SYNE2: variants seen among roughly 807,000 people sequenced by gnomAD.
The protein encoded by SYNE2 is spectrin repeat containing nuclear envelope protein 2.
In SYNE2, 431 loss-of-function variants were observed where a neutral mutation model predicts 856.3. The observed-to-expected ratio is 0.50, with a 90% CI of 0.47 to 0.55. SYNE2 has a LOEUF of 0.55. SYNE2 is among the 20% of genes least tolerant of loss of function. SYNE2 has a pLI of 0.00. For synonymous variants in SYNE2, 2,923 were observed against 2,872.3 expected, an observed-to-expected ratio of 1.02 and a Z score of -0.56; for missense variants, 8,129 against 8,023.2, an observed-to-expected ratio of 1.01 and a Z score of -0.50.
At chr14:64,151,321 C>G (rs1196438195) in intron 84 of SYNE2, among the ~76,000 whole-genome samples, 2 of 151,056 alleles carry the variant, frequency 1.3e-5, no homozygotes, top group Admixed American at 1.3e-4. Flanking sequence ...GGAGCTTGTC[C>G]CTCCCAGGGT....
Position 63,983,760 on chromosome 14 carries a change from A to T in SYNE2, c.2025A>T (p.Ile675=), listed in dbSNP as rs1222311518. 6.2e-7 allele frequency: 1 copy of T among 1,612,080 alleles called. No individual in the cohort carries two copies. The highest frequency in any genetic ancestry group is 1.7e-5 in the Admixed American group (1 of 59,980). ...TQLEMNLPLM[I]KKQDQPTFDN... is the part of the protein sequence containing the mutation. ...AGGAAATGAACCTGCCACTGATGAT[A>T]AAAAAACAGGATCAGCCCACTTTTG... is the stretch of plus-strand genomic sequence containing the variant. The change falls in exon 18 of 116, where the codon ATA becomes ATT. Residue 675 remains isoleucine (I), a synonymous_variant. Transcript: ENST00000555002.
In SYNE2 at chr14:64,007,039, C is replaced by T; in HGVS notation, c.4398-4C>T. ...ATCAAACTTTTTTCTCATTCATAAT[C>T]AAGGAAAAAATCATTAATCAGACTG... On this transcript the variant is annotated splice_polypyrimidine_tract_variant and splice_region_variant and intron_variant, in intron 30 of 115. Transcript: ENST00000555002. 3 of 1,610,516 alleles carry T rather than the reference C, an allele frequency of 1.9e-6. No homozygotes were observed. Among genetic ancestry groups the T allele is most frequent in the Non-Finnish European group, 2.5e-6 (3 of 1,177,608 alleles).
chr14:64,178,750 A>T (rs995264591), intron 96 of SYNE2, among the ~76,000 whole-genome samples: 2 of 152,102 alleles, frequency 1.3e-5, no homozygotes, highest in South Asian at 2.1e-4. Context: ...CCTGCTGTCA[A>T]TGAGATGTAG....
At chr14:64,119,078 A>G (rs2097877708) in intron 66 of SYNE2, among the ~76,000 whole-genome samples, 1 of 152,154 alleles carries the variant, frequency 6.6e-6, no homozygotes, top group South Asian at 2.1e-4. Flanking sequence ...CACATCTACT[A>G]AGTGGTAGGA....
At chr14:63,954,121 G>A (rs142115400) in intron 7 of SYNE2, among the ~76,000 whole-genome samples, 6 of 152,270 alleles carry the variant, frequency 3.9e-5, no homozygotes, top group Admixed American at 3.9e-4. Context: ...TTCATTGTAT[G>A]TATATACCAC....
chr14:64,192,897 A>C (rs974990065), intron 99 of SYNE2, among the ~76,000 whole-genome samples: 2 of 152,234 alleles, frequency 1.3e-5, no homozygotes, highest in Non-Finnish European at 2.9e-5. Flanking sequence ...CTTATTTTAA[A>C]GCAAGGGCCA....
chr14:64,180,802 C>T (rs1315344503), intron 96 of SYNE2, among the ~76,000 whole-genome samples: 1 of 152,172 alleles, frequency 6.6e-6, no homozygotes. Flanking sequence ...CCACACCTGG[C>T]TTATTCTTGT....
chr14:64,040,687 A>G (rs2097142094), intron 45 of SYNE2, among the ~76,000 whole-genome samples: 1 of 139,760 alleles, frequency 7.2e-6, no homozygotes, highest in Non-Finnish European at 1.5e-5. Flanking sequence ...TATTTCTGCC[A>G]TATATATATA....
chr14:63,762,435 C>CA (rs71120281), intron 1 of SYNE2, among the ~76,000 whole-genome samples: 18,893 of 63,494 alleles, frequency 0.3, 2,058 homozygotes, highest in African/African-American at 0.34. Flanking sequence ...AACTCCATCT[C>CA]AAAAAAAAAA....
At chr14:64,148,323 A>T (rs1175021433) in intron 84 of SYNE2, among the ~76,000 whole-genome samples, 2 of 152,160 alleles carry the variant, frequency 1.3e-5, no homozygotes, top group African/African-American at 2.4e-5. Flanking sequence ...TCTAATAACA[A>T]TAATAATCCA....
chr14:64,081,942 T>C (rs1393686231), intron 57 of SYNE2, among the ~76,000 whole-genome samples: 2 of 152,004 alleles, frequency 1.3e-5, no homozygotes, highest in Non-Finnish European at 2.9e-5. Context: ...AAAAATTAGC[T>C]GGGCACGGTG....
chr14:63,917,148 T>G (rs2095542984), intron 2 of SYNE2, among the ~76,000 whole-genome samples: 2 of 152,152 alleles, frequency 1.3e-5, no homozygotes, highest in African/African-American at 4.8e-5. Flanking sequence ...TCTACCCTTT[T>G]GTAGTAAAGT....
intron 1 of SYNE2, among the ~76,000 whole-genome samples, chr14:63,843,150 C>G (rs566448078): frequency 2.6e-5 from 4 of 152,106 alleles, no homozygotes; most frequent in Non-Finnish European, 5.9e-5. Context: ...GATCCTCCCA[C>G]CTTAGCCTTT....
chr14:63,948,408 A>G (rs1224879760), intron 6 of SYNE2, among the ~76,000 whole-genome samples: 1 of 152,130 alleles, frequency 6.6e-6, no homozygotes, highest in African/African-American at 2.4e-5. Context: ...TCACGCCTGT[A>G]ATCCCAGCAT....
intron 6 of SYNE2, among the ~76,000 whole-genome samples, chr14:63,944,479 T>C (rs2095985115): frequency 6.6e-6 from 1 of 150,664 alleles, no homozygotes; most frequent in African/African-American, 2.4e-5. Flanking sequence ...TTCTTAGAAG[T>C]GGCATTGTGC....
intron 99 of SYNE2, 79 bp downstream of exon 99, chr14:64,190,316 C>T: frequency 6.4e-7 from 1 of 1,570,066 alleles, no homozygotes; most frequent in South Asian, 1.1e-5. Context: ...CCCAGTCTTC[C>T]TCTAAGATGA....
intron 1 of SYNE2, among the ~76,000 whole-genome samples, chr14:63,857,243 C>A (rs879528464): frequency 6.6e-6 from 1 of 152,132 alleles, no homozygotes; most frequent in East Asian, 1.9e-4. Flanking sequence ...GTAGTAAGTT[C>A]TCTTCTTTGC....
At chr14:64,189,336 A>G (rs1307097321) in intron 98 of SYNE2, among the ~76,000 whole-genome samples, 2 of 148,028 alleles carry the variant, frequency 1.4e-5, no homozygotes, top group Admixed American at 1.3e-4. Flanking sequence ...TTCCATCTCA[A>G]AAAAAAAAAA....
intron 1 of SYNE2, among the ~76,000 whole-genome samples, chr14:63,890,354 C>T (rs983747781): frequency 7.2e-5 from 11 of 152,146 alleles, no homozygotes; most frequent in Admixed American, 3.3e-4. Flanking sequence ...TGAGCTACTG[C>T]GCTCGGCTAT....
Sources: gnomAD v4.1 joint callset for allele counts (sites outside exome capture counted in the v4.1 genomes callset) on GRCh38, gnomAD v4.1.1 for gene constraint, MANE v1.5 for transcripts, NCBI Gene and HGNC (gene_info 2026-07-23, HGNC 2026-07-21) for gene names.